CDIN1: variants seen among roughly 807,000 people sequenced by gnomAD.
CDIN1 encodes the protein CDAN1-interacting nuclease 1.
In CDIN1, 33 loss-of-function variants were observed where a neutral mutation model predicts 45.3. The ratio of observed to expected loss-of-function variants is 0.73; its 90% confidence interval spans 0.55 to 0.97. CDIN1 has a LOEUF of 0.97. Ranked by LOEUF, CDIN1 falls within the 50% of genes least tolerant of loss-of-function variation. The pLI, the probability that CDIN1 is intolerant of heterozygous loss-of-function variation, is 0.00. For synonymous variants in CDIN1, 118 were observed against 124.4 expected, an observed-to-expected ratio of 0.95 and a Z score of 0.34; for missense variants, 303 against 339.4, an observed-to-expected ratio of 0.89 and a Z score of 0.84.
At chr15:36,715,892 A>G (rs1199731804) in intron 10 of CDIN1, among the ~76,000 whole-genome samples, 2 of 152,192 alleles carry the variant, frequency 1.3e-5, no homozygotes, top group African/African-American at 2.4e-5. Context: ...CATAATGGTT[A>G]TAATGGATAA....
intron 3 of CDIN1, among the ~76,000 whole-genome samples, chr15:36,649,827 A>G (rs1196558672): frequency 6.6e-6 from 1 of 152,212 alleles, no homozygotes. Context: ...CTCTTGCTGC[A>G]TTTTACATAC....
intron 1 of CDIN1, among the ~76,000 whole-genome samples, chr15:36,629,397 T>TA (rs2039585838): frequency 6.6e-6 from 1 of 152,194 alleles, no homozygotes; most frequent in Non-Finnish European, 1.5e-5. Flanking sequence ...AGGAAAAACT[T>TA]ACAATATTAT....
intron 5 of CDIN1, among the ~76,000 whole-genome samples, chr15:36,672,454 G>A (rs2041486648): frequency 6.6e-6 from 1 of 152,006 alleles, no homozygotes; most frequent in Non-Finnish European, 1.5e-5. Flanking sequence ...TGTCCTCCAG[G>A]AGCTTGCATC....
At chr15:36,653,428 CA>C (rs1323768226) in intron 3 of CDIN1, among the ~76,000 whole-genome samples, 1 of 145,770 alleles carries the variant, frequency 6.9e-6, no homozygotes, top group Non-Finnish European at 1.5e-5. Context: ...AGTGTTATAA[CA>C]AGGGGAATGA....
chr15:36,584,967 A>T (rs1162530104), intron 1 of CDIN1, among the ~76,000 whole-genome samples: 4 of 152,040 alleles, frequency 2.6e-5, no homozygotes, highest in African/African-American at 9.6e-5. Context: ...CATAGGACAT[A>T]CTACATTTGA....
chr15:36,661,027 C>T (rs974479855), intron 5 of CDIN1, among the ~76,000 whole-genome samples: 2 of 152,062 alleles, frequency 1.3e-5, no homozygotes, highest in Admixed American at 6.6e-5. Flanking sequence ...TCTGTGGCCT[C>T]GGAATCACCC....
intron 10 of CDIN1, among the ~76,000 whole-genome samples, chr15:36,770,533 C>T (rs1043220949): frequency 1.3e-5 from 2 of 152,116 alleles, no homozygotes; most frequent in Non-Finnish European, 2.9e-5. Flanking sequence ...ACTGCAACCT[C>T]TCCCTCCCGA....
chr15:36,588,780 C>G (rs1294561384), intron 1 of CDIN1, among the ~76,000 whole-genome samples: 1 of 152,088 alleles, frequency 6.6e-6, no homozygotes, highest in Admixed American at 6.5e-5. Context: ...CCTTCACTTT[C>G]TAAAAGAAGT....
chr15:36,672,288 TTAGAG>T (rs1434025298), intron 5 of CDIN1, among the ~76,000 whole-genome samples: 4 of 152,202 alleles, frequency 2.6e-5, no homozygotes, highest in East Asian at 1.9e-4. Context: ...TTTTAAACTC[TTAGAG>T]TAGTTATACT....
At chr15:36,747,781 C>T (rs2044496669) in intron 10 of CDIN1, among the ~76,000 whole-genome samples, 1 of 151,964 alleles carries the variant, frequency 6.6e-6, no homozygotes, top group Non-Finnish European at 1.5e-5. Context: ...TCTTTGAATA[C>T]CAAAACATTT....
At chr15:36,747,238 G>A (rs190096808) in intron 10 of CDIN1, 87 of 353,220 alleles carry the variant, frequency 2.5e-4, no homozygotes, top group African/African-American at 1.5e-3. Context: ...GATAGTTCCC[G>A]TAACACTTGT....
rs569499614 is a variant in CDIN1 at position 36,664,528 on chromosome 15, C to T, written c.346+6623C>T. On this transcript the variant is annotated intron_variant, in intron 5 of 10. Coordinates refer to ENST00000566621, the MANE Select transcript of CDIN1 (RefSeq NM_001321759.2). Reference sequence around the variant, plus strand: ...CTAGAGGGTAATGCTTCCAACTGTTCGCAAGCCTCCTGTTTATTGATCACA... The same window carrying T: ...CTAGAGGGTAATGCTTCCAACTGTTTGCAAGCCTCCTGTTTATTGATCACA... 4.6e-5 allele frequency among the ~76,000 whole-genome samples: 7 copies of T among 152,186 alleles called. No individual in the cohort carries two copies. The South Asian group carries it at 6.2e-4, about 14-fold the overall frequency.
intron 10 of CDIN1, among the ~76,000 whole-genome samples, chr15:36,790,844 T>C (rs1222565479): frequency 6.6e-6 from 1 of 152,196 alleles, no homozygotes; most frequent in Non-Finnish European, 1.5e-5. Flanking sequence ...CTCTTTCTTG[T>C]TTTAAAACAA....
intron 3 of CDIN1, chr15:36,647,419 T>C (rs1296057893): frequency 1.3e-5 from 2 of 152,202 alleles, no homozygotes; most frequent in Non-Finnish European, 2.9e-5. Flanking sequence ...TATTTAAATA[T>C]GACAGTCTCA....
intron 1 of CDIN1, chr15:36,640,765 A>G: frequency 2.1e-6 from 1 of 476,212 alleles, no homozygotes; most frequent in Non-Finnish European, 2.7e-6. Flanking sequence ...AATCTGTGCT[A>G]CACTCTCCCA....
chr15:36,705,501 G>A (rs2042829821), intron 8 of CDIN1: 1 of 152,158 alleles, frequency 6.6e-6, no homozygotes, highest in African/African-American at 2.4e-5. Flanking sequence ...TGTATCTGCA[G>A]TGATTTGAGA....
At chr15:36,804,136 G>A (rs1186834190) in intron 10 of CDIN1, among the ~76,000 whole-genome samples, 1 of 151,948 alleles carries the variant, frequency 6.6e-6, no homozygotes, top group Non-Finnish European at 1.5e-5. Flanking sequence ...CCAACCTCAT[G>A]GAGTTGGCAT....
intron 1 of CDIN1, chr15:36,613,384 G>GTCTT: frequency 1.1e-6 from 1 of 948,466 alleles, no homozygotes. Context: ...AGGATTCCTT[G>GTCTT]TCTTAAGAAC....
chr15:36,738,477 T>C (rs2044114512), intron 10 of CDIN1, among the ~76,000 whole-genome samples: 1 of 152,154 alleles, frequency 6.6e-6, no homozygotes, highest in African/African-American at 2.4e-5. Flanking sequence ...TTCATGGCCC[T>C]AGATCGTTCT....
Sources: allele counts gnomAD v4.1 joint callset (sites outside exome capture counted in the v4.1 genomes callset), GRCh38; gene constraint gnomAD v4.1.1; transcripts MANE v1.5; gene names NCBI Gene and HGNC (gene_info 2026-07-23, HGNC 2026-07-21).